The following LRIG1 variants were observed in gnomAD, a reference collection of about 807,000 sequenced individuals.
LRIG1 encodes the protein leucine-rich repeats and immunoglobulin-like domains protein 1.
In LRIG1, 48 loss-of-function variants were observed where a neutral mutation model predicts 99.2. The ratio of observed to expected loss-of-function variants is 0.48; its 90% confidence interval spans 0.38 to 0.62. LRIG1 has a LOEUF of 0.62. LRIG1 is among the 20% of genes least tolerant of loss of function. LRIG1 has a pLI of 0.00. For missense variants in LRIG1, 1,646 were observed against 1,434.4 expected, an observed-to-expected ratio of 1.15 and a Z score of -2.38; for synonymous variants, 772 against 596.1, an observed-to-expected ratio of 1.29 and a Z score of -4.30.
chr3:66,472,500 C>T (rs1223776396), intron 1 of LRIG1, among the ~76,000 whole-genome samples: 5 of 152,098 alleles, frequency 3.3e-5, no homozygotes, highest in East Asian at 3.9e-4. Context: ...CACCACTTAA[C>T]GGTGAGTGAT....
At chr3:66,434,938 T>A (rs750624543) in intron 3 of LRIG1, among the ~76,000 whole-genome samples, 2 of 152,072 alleles carry the variant, frequency 1.3e-5, no homozygotes, top group African/African-American at 4.8e-5. Flanking sequence ...TGGGCATTTA[T>A]CCCAGAGAAG....
intron 13 of LRIG1, 131 bp downstream of exon 13, chr3:66,385,850 A>G (rs1162197065): frequency 1.2e-6 from 1 of 838,516 alleles, no homozygotes. Context: ...AGGCAACAAT[A>G]GGATTTAACA....
At chr3:66,382,098 C>T (rs765963596) in intron 16 of LRIG1, among the ~76,000 whole-genome samples, 175 bp downstream of exon 16, 3 of 152,178 alleles carry the variant, frequency 2.0e-5, no homozygotes, top group South Asian at 2.1e-4. Context: ...TAAAACCTTG[C>T]AGAACTCATG....
At chr3:66,486,925 T>C (rs922257689) in intron 1 of LRIG1, among the ~76,000 whole-genome samples, 2 of 152,206 alleles carry the variant, frequency 1.3e-5, no homozygotes, top group Admixed American at 6.5e-5. Context: ...TTCTGAGACA[T>C]CAGCTCCAAA....
intron 1 of LRIG1, among the ~76,000 whole-genome samples, chr3:66,482,196 A>T (rs1208639012): frequency 2.6e-5 from 4 of 152,258 alleles, no homozygotes; most frequent in Non-Finnish European, 5.9e-5. Flanking sequence ...TCTGTTTAAG[A>T]AGAACCCAAA....
chr3:66,437,078 G>A (rs1177432100), intron 3 of LRIG1, among the ~76,000 whole-genome samples: 2 of 152,122 alleles, frequency 1.3e-5, no homozygotes, highest in East Asian at 3.9e-4. Context: ...CATCTTTTAC[G>A]CAGCCTGCTG....
intron 1 of LRIG1, among the ~76,000 whole-genome samples, chr3:66,472,698 T>C (rs1700630721): frequency 6.6e-6 from 1 of 152,076 alleles, no homozygotes; most frequent in South Asian, 2.1e-4. Flanking sequence ...GATAAGAAAA[T>C]TCTATAGCAG....
Position 66,380,662 on chromosome 3 carries a change from C to G in LRIG1, c.2970G>C (p.Glu990Asp). Residue 990 changes from glutamate (E) to aspartate (D), a missense_variant, in exon 18 of 19, where the codon GAG becomes GAC. Physicochemically the swap from Glu to Asp is conservative, Grantham distance 45. Coordinates refer to ENST00000273261, the MANE Select transcript of LRIG1 (RefSeq NM_015541.3). Reference protein sequence around the residue: ...CSRTAAGSCPECQGSLYPSNH... With the variant: ...CSRTAAGSCPDCQGSLYPSNH... ...TACTGGGGTAGAGCGACCCTTGGCA[C>G]TCGGGGCAGGACCCAGCGGCAGTCC... The G allele has an allele frequency of 6.2e-7, 1 of 1,614,204 alleles. No individual in the cohort carries two copies. Among genetic ancestry groups the G allele is most frequent in the Non-Finnish European group, 8.5e-7 (1 of 1,180,038 alleles).
chr3:66,426,434 A>T (rs976430002), intron 3 of LRIG1, among the ~76,000 whole-genome samples: 1 of 152,054 alleles, frequency 6.6e-6, no homozygotes, highest in African/African-American at 2.4e-5. Flanking sequence ...AGAGACCCAG[A>T]CTCTAATTCT....
At chr3:66,413,429 A>G (rs1481797425) in intron 5 of LRIG1, among the ~76,000 whole-genome samples, 1 of 152,246 alleles carries the variant, frequency 6.6e-6, no homozygotes, top group Non-Finnish European at 1.5e-5. Flanking sequence ...TCCACACCAC[A>G]TGCCTCAACC....
At chr3:66,446,066 A>T (rs1703707492) in intron 3 of LRIG1, among the ~76,000 whole-genome samples, 1 of 152,194 alleles carries the variant, frequency 6.6e-6, no homozygotes, top group Admixed American at 6.5e-5. Context: ...CTTTAATGCG[A>T]ACTGATCTTT....
chr3:66,426,547 T>C (rs1702986205), intron 3 of LRIG1, among the ~76,000 whole-genome samples: 1 of 152,194 alleles, frequency 6.6e-6, no homozygotes, highest in Admixed American at 6.5e-5. Flanking sequence ...AGAGAAAACT[T>C]TCCCATTGTC....
In LRIG1 at chr3:66,379,931, C is replaced by T. The variant is rs970565575; in HGVS notation, c.*332G>A. On this transcript the variant is annotated 3_prime_UTR_variant, in exon 19 of 19. Transcript: ENST00000273261. ...CCCCACCCCCTCCAAAATTAAACAG[C>T]AACCTGATACGAAAAATAATATTGT... is the stretch of plus-strand genomic sequence containing the variant. The T allele has an allele frequency of 1.7e-5, 3 of 176,558 alleles. No individual in the cohort carries two copies. Among genetic ancestry groups the T allele is most frequent in the East Asian group, 1.5e-4 (1 of 6,750 alleles). 10.9% of individuals were successfully genotyped at this position (176,558 alleles called of 1,614,324 possible).
chr3:66,381,502 C>T lies in LRIG1; in HGVS notation c.2747G>A (p.Gly916Glu), dbSNP rs1372520878. 3 of 1,613,810 alleles carry T rather than the reference C, an allele frequency of 1.9e-6. No homozygotes were observed. The highest frequency in any genetic ancestry group is 2.5e-6 in the Non-Finnish European group (3 of 1,179,744). ...EPWKAMEKAE[G>E]TPGPHKMEHG... ...ACCCATCTTATGTGGCCCAGGTGTC[C>T]CTTCAGCTTTCTCCATCGCTTTCCA... The change falls in exon 17 of 19, where the codon GGG becomes GAG. Residue 916 changes from glycine (G) to glutamate (E), a missense_variant. Coordinates refer to ENST00000273261, the MANE Select transcript of LRIG1 (RefSeq NM_015541.3).
intron 1 of LRIG1, among the ~76,000 whole-genome samples, chr3:66,487,096 G>C (rs549337796): frequency 3.3e-5 from 5 of 152,118 alleles, no homozygotes; most frequent in Non-Finnish European, 7.4e-5. Context: ...TGGTTCTCAA[G>C]CAGAAAGTAG....
At chr3:66,437,080 A>G (rs901510311) in intron 3 of LRIG1, among the ~76,000 whole-genome samples, 2 of 152,170 alleles carry the variant, frequency 1.3e-5, no homozygotes, top group African/African-American at 4.8e-5. Context: ...TCTTTTACGC[A>G]GCCTGCTGCA....
chr3:66,433,068 C>A (rs1441642517), intron 3 of LRIG1, among the ~76,000 whole-genome samples: 1 of 152,174 alleles, frequency 6.6e-6, no homozygotes, highest in African/African-American at 2.4e-5. Flanking sequence ...ATGTCCCCAT[C>A]CTAAACAGGT....
chr3:66,478,882 G>A (rs1700784423), intron 1 of LRIG1, among the ~76,000 whole-genome samples: 1 of 152,172 alleles, frequency 6.6e-6, no homozygotes, highest in Non-Finnish European at 1.5e-5. Context: ...GGCCTGCAGA[G>A]ATTTAGTACT....
intron 4 of LRIG1, among the ~76,000 whole-genome samples, chr3:66,415,642 A>G (rs906126387): frequency 6.6e-6 from 1 of 152,224 alleles, no homozygotes; most frequent in African/African-American, 2.4e-5. Context: ...TAAAACAAGC[A>G]ATATGTCATG....
Sources: allele counts gnomAD v4.1 joint callset (sites outside exome capture counted in the v4.1 genomes callset), GRCh38; gene constraint gnomAD v4.1.1; transcripts MANE v1.5; gene names NCBI Gene and HGNC (gene_info 2026-07-23, HGNC 2026-07-21).